Variants in NPIPA3 observed in about 807,000 individuals in gnomAD.
NPIPA3 encodes nuclear pore complex interacting protein family member A3.
NPIPA3 carries 1 observed loss-of-function variant against 1.4 expected under a neutral mutation model. The observed-to-expected ratio is 0.73, with a 90% CI of 0.26 to 3.47. NPIPA3 has a LOEUF of 3.47. Ranked by LOEUF, NPIPA3 falls within the 30% of genes most tolerant of loss-of-function variation. The pLI is 0.19.
At chr16:14,722,333 T>C (rs1961566330) in intron 4 of NPIPA3, among the ~76,000 whole-genome samples, 1 of 56,532 alleles carries the variant, frequency 1.8e-5, no homozygotes, top group Admixed American at 2.9e-4. Flanking sequence ...ATTTTACACA[T>C]CCTTCCTATA....
At chr16:14,712,702 T>C (rs1441551779) in intron 1 of NPIPA3, among the ~76,000 whole-genome samples, 1 of 37,292 alleles carries the variant, frequency 2.7e-5, no homozygotes, top group African/African-American at 8.1e-5. Context: ...CCCAGCACTT[T>C]AGGGGGCCGA....
At chr16:14,712,602 CTGTG>C (rs1384818546) in intron 1 of NPIPA3, among the ~76,000 whole-genome samples, 1 of 43,564 alleles carries the variant, frequency 2.3e-5, no homozygotes, top group African/African-American at 7.1e-5. Flanking sequence ...ATCAGTCCAC[CTGTG>C]TGAGTAGACG....
intron 4 of NPIPA3, among the ~76,000 whole-genome samples, chr16:14,722,409 G>A (rs973427925): frequency 8.0e-5 from 3 of 37,274 alleles, no homozygotes; most frequent in African/African-American, 1.4e-4. Flanking sequence ...GGGCAACACA[G>A]CAAACTTACC....
intron 1 of NPIPA3, among the ~76,000 whole-genome samples, chr16:14,710,059 T>G: frequency 1.4e-5 from 1 of 72,406 alleles, no homozygotes; most frequent in Admixed American, 1.4e-4. Flanking sequence ...TGAGACAGAG[T>G]TTCACTCTGT....
chr16:14,713,319 T>C (rs1409464786), intron 1 of NPIPA3, among the ~76,000 whole-genome samples: 1 of 144,000 alleles, frequency 6.9e-6, no homozygotes, highest in Non-Finnish European at 1.6e-5. Context: ...CTTTGGAAAG[T>C]ACATACACCA....
At chr16:14,718,829 C>G (rs1487641402) in intron 2 of NPIPA3, among the ~76,000 whole-genome samples, 1 of 82,730 alleles carries the variant, frequency 1.2e-5, no homozygotes, top group Non-Finnish European at 2.8e-5. Flanking sequence ...GTGTACAGTT[C>G]AGTTGTGTGA....
intron 5 of NPIPA3, among the ~76,000 whole-genome samples, chr16:14,723,852 TTTTTTG>T (rs1283598768): frequency 1.3e-4 from 3 of 23,658 alleles, no homozygotes; most frequent in African/African-American, 2.1e-4. Flanking sequence ...CTGTACAGTT[TTTTTTG>T]TTTTTGTTTT....
chr16:14,709,998 GAC>G (rs1359795012), intron 1 of NPIPA3, among the ~76,000 whole-genome samples: 7 of 50,644 alleles, frequency 1.4e-4, no homozygotes, highest in Admixed American at 5.9e-4. Context: ...CACACAGACA[GAC>G]ACACACACAC....
intron 1 of NPIPA3, among the ~76,000 whole-genome samples, chr16:14,709,826 A>AT (rs1271104050): frequency 8.8e-5 from 1 of 11,408 alleles, no homozygotes; most frequent in African/African-American, 2.4e-4. Flanking sequence ...TGTAATACAT[A>AT]TTTTTTATTC....
At chr16:14,722,341 A>G (rs1961567444) in intron 4 of NPIPA3, among the ~76,000 whole-genome samples, 1 of 55,630 alleles carries the variant, frequency 1.8e-5, no homozygotes, top group African/African-American at 3.6e-5. Context: ...CATCCTTCCT[A>G]TAAAACCAAG....
chr16:14,722,269 T>G (rs571101504), intron 4 of NPIPA3, among the ~76,000 whole-genome samples: 2 of 56,378 alleles, frequency 3.5e-5, no homozygotes, highest in African/African-American at 7.1e-5. Context: ...CAGAAACAAG[T>G]TCATTAACTT....
At chr16:14,709,793 C>T (rs1354058362) in intron 1 of NPIPA3, among the ~76,000 whole-genome samples, 17 of 9,200 alleles carry the variant, frequency 1.8e-3, no homozygotes, top group Non-Finnish European at 3.6e-3. Context: ...AAGAATTAAC[C>T]ACATCATATT....
intron 2 of NPIPA3, among the ~76,000 whole-genome samples, chr16:14,719,158 AT>A (rs1179696579): frequency 0.012 from 40 of 3,202 alleles, no homozygotes; most frequent in African/African-American, 0.017. Flanking sequence ...CACCTGGCCT[AT>A]TTTTTTTTTT....
At chr16:14,722,395 G>A (rs1961570498) in intron 4 of NPIPA3, among the ~76,000 whole-genome samples, 1 of 43,214 alleles carries the variant, frequency 2.3e-5, no homozygotes, top group African/African-American at 4.1e-5. Flanking sequence ...ATCAAGTGGT[G>A]TGAGGGCAAC....
Position 14,726,170 on chromosome 16 carries a change from G to GC in NPIPA3, c.987_988insC (p.Cys330LeufsTer16). On this transcript the variant is annotated frameshift_variant, in exon 8 of 8. Transcript: ENST00000531598. LOFTEE classifies it high-confidence loss of function. ...ATGATAATCTCAAGACACCTCCCGAGTGTCTGCTCACTCCCCTTCCACCCT... is the reference window on the plus strand; with the variant it reads ...ATGATAATCTCAAGACACCTCCCGAGCTGTCTGCTCACTCCCCTTCCACCCT... The GC allele has an allele frequency of 4.3e-6, 1 of 229,986 alleles. No individual in the cohort carries two copies. Among genetic ancestry groups the GC allele is most frequent in the South Asian group, 2.8e-5 (1 of 36,268 alleles). 14.2% of individuals were successfully genotyped at this position (229,986 alleles called of 1,614,324 possible).
chr16:14,722,534 C>A (rs1389838273), intron 4 of NPIPA3, among the ~76,000 whole-genome samples: 2 of 15,504 alleles, frequency 1.3e-4, no homozygotes, highest in African/African-American at 1.7e-4. Context: ...GGACATAACA[C>A]CCTGACTTAG....
At chr16:14,709,969 T>C in intron 1 of NPIPA3, among the ~76,000 whole-genome samples, 1 of 42,982 alleles carries the variant, frequency 2.3e-5, no homozygotes, top group African/African-American at 7.5e-5. Flanking sequence ...TTTTTGAGAT[T>C]TATATAGATA....
intron 1 of NPIPA3, among the ~76,000 whole-genome samples, chr16:14,710,071 C>A (rs1306119618): frequency 3.0e-5 from 2 of 66,396 alleles, no homozygotes; most frequent in African/African-American, 4.7e-5. Flanking sequence ...TCACTCTGTC[C>A]CCCAGGCTGG....
intron 2 of NPIPA3, among the ~76,000 whole-genome samples, chr16:14,718,941 C>T (rs1961469423): frequency 2.1e-5 from 1 of 48,738 alleles, no homozygotes; most frequent in East Asian, 4.0e-4. Context: ...TCACTGCACC[C>T]TCTGCCTCCT....
Sources: gnomAD v4.1 joint callset for allele counts (sites outside exome capture counted in the v4.1 genomes callset) on GRCh38, gnomAD v4.1.1 for gene constraint, MANE v1.5 for transcripts, NCBI Gene and HGNC (gene_info 2026-07-23, HGNC 2026-07-21) for gene names.